The following TAPT1 variants were observed in gnomAD, a reference collection of about 807,000 sequenced individuals.
TAPT1 encodes transmembrane anterior posterior transformation 1.
TAPT1 carries 28 observed loss-of-function variants against 65.6 expected under a neutral mutation model. The observed-to-expected ratio is 0.43, with a 90% CI of 0.32 to 0.59. The LOEUF is 0.59. Ranked by LOEUF, TAPT1 falls within the 20% of genes least tolerant of loss-of-function variation. The probability of loss-of-function intolerance (pLI) is 0.09; values close to 1 mark genes in which losing one functional copy is unlikely to be tolerated. For missense variants in TAPT1, 563 were observed against 679.9 expected, an observed-to-expected ratio of 0.83 and a Z score of 1.91; for synonymous variants, 278 against 245.2, an observed-to-expected ratio of 1.13 and a Z score of -1.25.
At chr4:16,183,119 A>T (rs895301840) in intron 7 of TAPT1, 1 of 152,124 alleles carries the variant, frequency 6.6e-6, no homozygotes, top group Non-Finnish European at 1.5e-5. Context: ...AAAGAGTAAA[A>T]AGCACCTCTT....
intron 2 of TAPT1, among the ~76,000 whole-genome samples, chr4:16,204,786 G>A (rs767988381): frequency 6.6e-6 from 1 of 152,240 alleles, no homozygotes; most frequent in East Asian, 1.9e-4. Context: ...ACTTCACTCA[G>A]TCTGCAGAAA....
chr4:16,208,565 C>T lies in TAPT1; in HGVS notation c.330+5203G>A, dbSNP rs1319349869. On this transcript the variant is annotated intron_variant, in intron 2 of 13. Coordinates refer to ENST00000405303, the MANE Select transcript of TAPT1 (RefSeq NM_153365.3). Reference sequence around the variant, plus strand: ...GATGTAATGCCGAGGTTGCAGCCGTCATCTTTCTACTAGAAGACAACAAGC... The same window carrying T: ...GATGTAATGCCGAGGTTGCAGCCGTTATCTTTCTACTAGAAGACAACAAGC... 3.3e-5 allele frequency among the ~76,000 whole-genome samples: 5 copies of T among 152,188 alleles called. No homozygotes were observed. In the South Asian group the frequency reaches 6.2e-4, roughly 19 times the overall value.
At position 16,174,729 on chromosome 4, in the gene TAPT1, C is replaced by T. The variant is rs1222430245; in HGVS notation, c.1108G>A (p.Val370Ile). 3.2e-6 allele frequency: 5 copies of T among 1,565,628 alleles called. No individual in the cohort carries two copies. Among genetic ancestry groups the T allele is most frequent in the Non-Finnish European group, 4.3e-6 (5 of 1,156,228 alleles). ...AGACTGGCTCTATATTCACTGTAGA[C>T]CTAAAAACAAACAAGAATGAAATAT... ...ITKFNDITAD[V>I]YSEYRASLAF... Residue 370 changes from valine (V) to isoleucine (I), a missense_variant and splice_region_variant, in exon 10 of 14, where the codon GTC becomes ATC. Physicochemically the swap from Val to Ile is conservative, Grantham distance 29. Coordinates refer to ENST00000405303, the MANE Select transcript of TAPT1 (RefSeq NM_153365.3).
intron 2 of TAPT1, among the ~76,000 whole-genome samples, chr4:16,206,210 T>C (rs1333348831): frequency 6.6e-6 from 1 of 152,256 alleles, no homozygotes; most frequent in East Asian, 1.9e-4. Flanking sequence ...CCAAGTTCTC[T>C]TACGATAGGC....
At chr4:16,167,942 A>G (rs1619904) in intron 12 of TAPT1, among the ~76,000 whole-genome samples, 71,993 of 151,952 alleles carry the variant, frequency 0.47, 18,308 homozygotes, top group African/African-American at 0.66. Flanking sequence ...AAGAAAACAC[A>G]TTAAATCTGT....
At chr4:16,226,520 T>C (rs1013780004), upstream of TAPT1, 1 of 851,130 alleles carries the variant, frequency 1.2e-6, no homozygotes, top group Non-Finnish European at 1.4e-6. Flanking sequence ...GCCGGCCCCC[T>C]CCCCGCCTCG....
chr4:16,206,733 A>G (rs981417680), intron 2 of TAPT1, among the ~76,000 whole-genome samples: 2 of 152,184 alleles, frequency 1.3e-5, no homozygotes, highest in Non-Finnish European at 2.9e-5. Flanking sequence ...GACAGAGAAG[A>G]GAAATTTAAG....
chr4:16,184,685 G>A (rs1748900154), intron 7 of TAPT1, among the ~76,000 whole-genome samples: 1 of 152,132 alleles, frequency 6.6e-6, no homozygotes, highest in African/African-American at 2.4e-5. Context: ...ATCTCATTAT[G>A]GCTTTGTCTT....
At chr4:16,182,368 A>C (rs1376388086) in intron 7 of TAPT1, among the ~76,000 whole-genome samples, 1 of 152,224 alleles carries the variant, frequency 6.6e-6, no homozygotes, top group East Asian at 1.9e-4. Flanking sequence ...CTGAACTCTT[A>C]CATTGATTAA....
At position 16,162,294 on chromosome 4, in the gene TAPT1, G is replaced by A. The variant is rs1560676057; in HGVS notation, c.*1014C>T. ...AGAACACACACCCTGCCCCAGCACA[G>A]GCACACTCGCTGTCGACCCAAACAC... On this transcript the variant is annotated 3_prime_UTR_variant, in exon 14 of 14. Transcript: ENST00000405303. The A allele has an allele frequency of 6.5e-6, 1 of 153,012 alleles. No homozygotes were observed. The highest frequency in any genetic ancestry group is 1.5e-5 in the Non-Finnish European group (1 of 68,188). 9.5% of individuals were successfully genotyped at this position (153,012 alleles called of 1,614,324 possible). A position where few individuals can be genotyped will look rare whatever the true frequency, so the allele number is the denominator to read the frequency against.
chr4:16,176,905 G>T lies in TAPT1; in HGVS notation c.998-677C>A, dbSNP rs1274802720. 8 of 152,234 alleles carry T rather than the reference G, an allele frequency of 5.3e-5. No homozygotes were observed. The East Asian group carries it at 1.2e-3, about 22-fold the overall frequency. The allele number at this position is 152,234 out of a possible 1,614,324, so 9.4% of individuals were successfully genotyped here. A position where few individuals can be genotyped will look rare whatever the true frequency, so the allele number is the denominator to read the frequency against. ...TCAATGTGACAGTAAATAGCTAGAA[G>T]AGATGTGCTGTAGTCTTTGTAGATG... On this transcript the variant is annotated intron_variant, in intron 8 of 13. Coordinates refer to ENST00000405303, the MANE Select transcript of TAPT1 (RefSeq NM_153365.3).
intron 4 of TAPT1, chr4:16,191,080 T>C (rs1578443863): frequency 1.4e-5 from 4 of 295,454 alleles, no homozygotes; most frequent in East Asian, 5.7e-5. Context: ...CCAGCCTACA[T>C]GAGGACATGC....
At chr4:16,208,115 G>C (rs551245999) in intron 2 of TAPT1, among the ~76,000 whole-genome samples, 1 of 152,212 alleles carries the variant, frequency 6.6e-6, no homozygotes, top group African/African-American at 2.4e-5. Flanking sequence ...TACCATGAGA[G>C]GGGAATAAGT....
At chr4:16,211,382 C>G (rs1003374451) in intron 2 of TAPT1, among the ~76,000 whole-genome samples, 8 of 152,056 alleles carry the variant, frequency 5.3e-5, no homozygotes, top group Non-Finnish European at 1.0e-4. Context: ...AAAATAAAGG[C>G]CTTAAAGATA....
In TAPT1 at chr4:16,202,718, C is replaced by T. The variant is rs1373747849; in HGVS notation, c.331-138G>A. The T allele has an allele frequency of 9.5e-6, 5 of 528,792 alleles. No individual in the cohort carries two copies. The East Asian group carries it at 1.7e-4, about 18-fold the overall frequency. 32.8% of individuals were successfully genotyped at this position (528,792 alleles called of 1,614,324 possible). On this transcript the variant is annotated intron_variant, in intron 2 of 13. Transcript: ENST00000405303. ...CTTAGCCCTGGGAATAACAAATTAA[C>T]AGTTCTTCTCTTCAAAGAGTGAGTC...
At chr4:16,183,398 A>C (rs1381210474) in intron 7 of TAPT1, among the ~76,000 whole-genome samples, 1 of 152,146 alleles carries the variant, frequency 6.6e-6, no homozygotes, top group African/African-American at 2.4e-5. Context: ...TGATCATTAT[A>C]TCATTTTTTT....
At chr4:16,191,606 T>C in intron 3 of TAPT1, 83 bp from the exon 4 acceptor site, 1 of 1,315,156 alleles carries the variant, frequency 7.6e-7, no homozygotes, top group Admixed American at 2.7e-5. Flanking sequence ...CGATATACAC[T>C]GGCATACAAA....
intron 1 of TAPT1, among the ~76,000 whole-genome samples, chr4:16,223,737 A>ATATT (rs1751389821): frequency 6.6e-6 from 1 of 152,244 alleles, no homozygotes; most frequent in African/African-American, 2.4e-5. Context: ...AAATATACAT[A>ATATT]TCTAGTTTCT....
At chr4:16,188,744 C>A (rs1054221451) in intron 4 of TAPT1, among the ~76,000 whole-genome samples, 3 of 151,952 alleles carry the variant, frequency 2.0e-5, no homozygotes, top group African/African-American at 7.3e-5. Context: ...CACAGTGAAA[C>A]GCCGTCTCTA....
Sources: allele counts gnomAD v4.1 joint callset (sites outside exome capture counted in the v4.1 genomes callset), GRCh38; gene constraint gnomAD v4.1.1; transcripts MANE v1.5; gene names NCBI Gene and HGNC (gene_info 2026-07-23, HGNC 2026-07-21).